The following RGSL1 variants were observed in gnomAD, a reference collection of about 807,000 sequenced individuals.
RGSL1 encodes regulator of G protein signaling like 1, also known as regulator of G protein signaling protein-like.
A neutral mutation model predicts 124.7 loss-of-function variants in RGSL1; 97 were observed. That is an observed-to-expected ratio of 0.78 (90% CI 0.66 to 0.92). The LOEUF (loss-of-function observed/expected upper bound fraction) is 0.92. Among genes scored for constraint, RGSL1 ranks in the 40% least tolerant of loss-of-function variants. The pLI is 0.00. For missense variants in RGSL1, 1,233 were observed against 1,288.4 expected, an observed-to-expected ratio of 0.96 and a Z score of 0.66; for synonymous variants, 424 against 438.1, an observed-to-expected ratio of 0.97 and a Z score of 0.40.
chr1:182,482,551 G>A (rs2920133), intron 6 of RGSL1, among the ~76,000 whole-genome samples: 11,944 of 152,166 alleles, frequency 0.078, 648 homozygotes, highest in East Asian at 0.25. Context: ...ACTAATTAGC[G>A]AATTCAGTAA....
intron 8 of RGSL1, chr1:182,492,817 G>T: frequency 2.0e-6 from 1 of 511,684 alleles, no homozygotes; most frequent in Non-Finnish European, 3.5e-6. Context: ...TTTTAGTAGA[G>T]ACAGGGTTTC....
chr1:182,465,711 A>C (rs1354295478), intron 4 of RGSL1, among the ~76,000 whole-genome samples: 1 of 152,202 alleles, frequency 6.6e-6, no homozygotes. Context: ...TGATGGTTTT[A>C]CTGGTGACTT....
rs976241780 is a variant in RGSL1 at position 182,515,782 on chromosome 1, G to A, written c.1826-6222G>A. Among the ~76,000 whole-genome samples, 4 of 152,264 alleles carry A rather than the reference G, an allele frequency of 2.6e-5. No individual in the cohort carries two copies. The East Asian group carries it at 5.8e-4, about 22-fold the overall frequency. ...GCACCGTGGCCATTGGGTGCAGCTC[G>A]TACGTGCTGCAGACTCGCCCAGGTG... is the stretch of plus-strand genomic sequence containing the variant. On this transcript the variant is annotated intron_variant, in intron 9 of 21. Coordinates refer to ENST00000294854, the MANE Select transcript of RGSL1 (RefSeq NM_001137669.2).
rs757522457 is a variant in RGSL1, at chr1:182,460,636, G to A, written c.301+503G>A. On this transcript the variant is annotated intron_variant, in intron 4 of 21. Transcript: ENST00000294854. ...CTCTTCCTCATAGAAGCCAGAGTGA[G>A]CCTCTTAAAAAGTAATTGGTGGTGG... is the stretch of plus-strand genomic sequence containing the variant. 17 of 455,990 alleles carry A rather than the reference G, an allele frequency of 3.7e-5. 2 individuals carry two copies. The highest frequency in any genetic ancestry group is 1.4e-4 in the East Asian group (2 of 14,400). The allele number at this position is 455,990 out of a possible 1,614,324, so 28.2% of individuals were successfully genotyped here.
intron 15 of RGSL1, among the ~76,000 whole-genome samples, chr1:182,541,089 C>G (rs1353409259): frequency 1.3e-5 from 2 of 152,060 alleles, no homozygotes; most frequent in Non-Finnish European, 2.9e-5. Context: ...TTTCTTTATG[C>G]TAGACAGATT....
upstream of RGSL1, among the ~76,000 whole-genome samples, chr1:182,448,830 G>T (rs551774809): frequency 6.6e-6 from 1 of 152,214 alleles, no homozygotes; most frequent in East Asian, 1.9e-4. Flanking sequence ...GACCCTATTT[G>T]GTTGTTAATG....
At position 182,454,011 on chromosome 1, in the gene RGSL1, G is replaced by C. The variant is rs41299607; in HGVS notation, c.67G>C (p.Asp23His). Reference sequence around the variant, plus strand: ...TCTGCTAGAGGATGAAGTCTTTGCCGATTTTTTCAACACATTTCTTTCCCT... The same window carrying C: ...TCTGCTAGAGGATGAAGTCTTTGCCCATTTTTTCAACACATTTCTTTCCCT... Reference protein sequence around the residue: ...IILLEDEVFADFFNTFLSLPV... With the variant: ...IILLEDEVFAHFFNTFLSLPV... Residue 23 changes from aspartate to histidine, a missense_variant, in exon 2 of 22, where the codon GAT becomes CAT. By Grantham distance (81) the Asp-to-His change is moderately conservative (BLOSUM62 -1). Transcript: ENST00000294854. 7 of 1,533,330 alleles carry C rather than the reference G, an allele frequency of 4.6e-6. No individual in the cohort carries two copies. In the Admixed American group the frequency reaches 1.4e-4, roughly 30 times the overall value. The allele number at this position is 1,533,330 out of a possible 1,614,324, so 95.0% of individuals were successfully genotyped here.
intron 13 of RGSL1, 125 bp downstream of exon 13, chr1:182,531,035 A>T: frequency 2.6e-6 from 3 of 1,147,760 alleles, no homozygotes; most frequent in Non-Finnish European, 3.6e-6. Flanking sequence ...TATACTAGGA[A>T]TTTAAGCAAG....
At chr1:182,536,808 A>G (rs1659574438) in intron 14 of RGSL1, among the ~76,000 whole-genome samples, 1 of 152,160 alleles carries the variant, frequency 6.6e-6, no homozygotes, top group Admixed American at 6.6e-5. Flanking sequence ...CTTATTCACT[A>G]TCATGAGAAC....
intron 4 of RGSL1, among the ~76,000 whole-genome samples, chr1:182,470,705 G>C (rs1653764247): frequency 6.6e-6 from 1 of 152,092 alleles, no homozygotes; most frequent in South Asian, 2.1e-4. Context: ...TGGAGGCAGG[G>C]ATTTTTTGTT....
At chr1:182,501,302 CTTTTCTT>C (rs1656352537) in intron 9 of RGSL1, among the ~76,000 whole-genome samples, 7 of 54,266 alleles carry the variant, frequency 1.3e-4, no homozygotes, top group South Asian at 7.0e-4. Context: ...TTTCTTTTTT[CTTTTCTT>C]TTTTTTTTTT....
rs1653923196 is a variant in RGSL1, at chr1:182,472,451, G to C, written c.357G>C (p.Glu119Asp). ...ILAENILSID[E>D]MDLEVRDYYL... ...CTGAGAACATCCTGAGCATAGATGA[G>C]ATGGACCTGGAAGTGAGAGACTACT... The change falls in exon 5 of 22, where the codon GAG becomes GAC. Residue 119 changes from glutamate to aspartate, a missense_variant. Coordinates refer to ENST00000294854, the MANE Select transcript of RGSL1 (RefSeq NM_001137669.2). 6.4e-7 allele frequency: 1 copy of C among 1,551,080 alleles called. No individual in the cohort carries two copies. Among genetic ancestry groups the C allele is most frequent in the Non-Finnish European group, 8.7e-7 (1 of 1,146,678 alleles).
rs2102330966 is a variant in RGSL1 at position 182,551,317 on chromosome 1, G to A, written c.3043+108G>A. ...CAAGACTTCCTTGAGGGTGTTTGCT[G>A]GAGCCGGGACAGCTCATTTACTTGG... On this transcript the variant is annotated intron_variant, in intron 18 of 21. Transcript: ENST00000294854. 3.5e-6 allele frequency: 3 copies of A among 867,544 alleles called. No individual in the cohort carries two copies. The East Asian group carries it at 7.9e-5, about 23-fold the overall frequency. 53.7% of individuals were successfully genotyped at this position (867,544 alleles called of 1,614,324 possible). A position where few individuals can be genotyped will look rare whatever the true frequency, so the allele number is the denominator to read the frequency against.
At chr1:182,519,950 T>C (rs1658204905) in intron 9 of RGSL1, among the ~76,000 whole-genome samples, 1 of 152,170 alleles carries the variant, frequency 6.6e-6, no homozygotes, top group Admixed American at 6.5e-5. Context: ...TTCCTTTGTC[T>C]TATAATTACT....
chr1:182,553,686 T>G, intron 19 of RGSL1, 145 bp downstream of exon 19: 1 of 692,916 alleles, frequency 1.4e-6, no homozygotes, highest in Non-Finnish European at 2.5e-6. Flanking sequence ...ACATAGCTTG[T>G]GAGTGGCAGA....
intron 9 of RGSL1, among the ~76,000 whole-genome samples, chr1:182,495,540 T>C (rs1481697126): frequency 6.6e-6 from 1 of 152,190 alleles, no homozygotes; most frequent in Non-Finnish European, 1.5e-5. Flanking sequence ...CCCATGAGTA[T>C]GTATATATTC....
chr1:182,505,099 A>G (rs903371122), intron 9 of RGSL1, among the ~76,000 whole-genome samples: 2 of 152,016 alleles, frequency 1.3e-5, no homozygotes, highest in African/African-American at 2.4e-5. Flanking sequence ...TGCTATCCCA[A>G]CTGTTGTCCC....
At chr1:182,449,976 C>T, upstream of RGSL1, 1 of 648,328 alleles carries the variant, frequency 1.5e-6, no homozygotes, top group Non-Finnish European at 2.7e-6. Flanking sequence ...CAAGGGGATT[C>T]AGCAGATTAG....
intron 9 of RGSL1, among the ~76,000 whole-genome samples, chr1:182,507,858 C>T (rs1170104521): frequency 6.6e-6 from 1 of 152,036 alleles, no homozygotes; most frequent in Non-Finnish European, 1.5e-5. Flanking sequence ...CACATGCCAC[C>T]ACACCCAGCT....
Sources: allele counts gnomAD v4.1 joint callset (sites outside exome capture counted in the v4.1 genomes callset), GRCh38; gene constraint gnomAD v4.1.1; transcripts MANE v1.5; gene names NCBI Gene and HGNC (gene_info 2026-07-23, HGNC 2026-07-21).